Variants in MYT1L observed in about 807,000 individuals in gnomAD.
MYT1L encodes myelin transcription factor 1 like.
In MYT1L, 12 loss-of-function variants were observed where a neutral mutation model predicts 126.7. That is an observed-to-expected ratio of 0.09 (90% CI 0.06 to 0.15). The LOEUF (loss-of-function observed/expected upper bound fraction) is 0.15, where lower values mean the gene tolerates loss of function less well. Among genes scored for constraint, MYT1L ranks in the 10% least tolerant of loss-of-function variants. MYT1L has a pLI of 1.00. For missense variants in MYT1L, 979 were observed against 1,585.2 expected, an observed-to-expected ratio of 0.62 and a Z score of 6.49; for synonymous variants, 541 against 604.2, an observed-to-expected ratio of 0.90 and a Z score of 1.53.
At chr2:2,121,162 C>T (rs2080947911) in intron 3 of MYT1L, among the ~76,000 whole-genome samples, 1 of 152,214 alleles carries the variant, frequency 6.6e-6, no homozygotes, top group Admixed American at 6.5e-5. Flanking sequence ...GTCTTTTAAA[C>T]TCGCTCTCCT....
intron 2 of MYT1L, among the ~76,000 whole-genome samples, chr2:2,273,810 A>G (rs2095310515): frequency 6.6e-6 from 1 of 152,270 alleles, no homozygotes; most frequent in South Asian, 2.1e-4. Context: ...TTACATGTCC[A>G]AAGGTGAGGC....
chr2:2,055,109 A>T (rs560759359), intron 3 of MYT1L, among the ~76,000 whole-genome samples: 2 of 152,236 alleles, frequency 1.3e-5, no homozygotes, highest in Non-Finnish European at 2.9e-5. Flanking sequence ...TTTGTAATAT[A>T]AAAAATACAC....
intron 5 of MYT1L, among the ~76,000 whole-genome samples, chr2:1,990,953 C>A (rs997671110): frequency 6.6e-6 from 1 of 152,222 alleles, no homozygotes; most frequent in Non-Finnish European, 1.5e-5. Context: ...GGTCCTCCTG[C>A]CGTGCCAGCT....
At chr2:2,079,561 T>A (rs189126423) in intron 3 of MYT1L, among the ~76,000 whole-genome samples, 2 of 152,308 alleles carry the variant, frequency 1.3e-5, no homozygotes, top group Admixed American at 1.3e-4. Flanking sequence ...ATCCCAGCAC[T>A]GTGGGAGGCC....
chr2:2,326,696 G>A (rs2149733447), intron 1 of MYT1L: 1 of 152,172 alleles, frequency 6.6e-6, no homozygotes, highest in Admixed American at 6.5e-5. Context: ...TAATAAATAA[G>A]CATTCATGCA....
intron 3 of MYT1L, among the ~76,000 whole-genome samples, chr2:2,104,381 AT>A (rs1211684336): frequency 1.3e-5 from 2 of 152,368 alleles, no homozygotes; most frequent in African/African-American, 4.8e-5. Flanking sequence ...TCAACCACAT[AT>A]TAAAGATGGA....
intron 4 of MYT1L, among the ~76,000 whole-genome samples, chr2:2,007,995 T>G (rs2063487078): frequency 6.6e-6 from 1 of 152,216 alleles, no homozygotes; most frequent in South Asian, 2.1e-4. Context: ...CCGGAGGTCC[T>G]GCAGAGAGCA....
At chr2:2,013,082 C>T (rs1010868214) in intron 4 of MYT1L, among the ~76,000 whole-genome samples, 4 of 152,122 alleles carry the variant, frequency 2.6e-5, no homozygotes, top group Admixed American at 6.5e-5. Flanking sequence ...GGAGAACACG[C>T]GATTCTAGAA....
At chr2:2,190,365 G>A (rs2092512172) in intron 2 of MYT1L, among the ~76,000 whole-genome samples, 1 of 151,864 alleles carries the variant, frequency 6.6e-6, no homozygotes, top group South Asian at 2.1e-4. Context: ...TGAGGCAGGA[G>A]GATCACTTGA....
intron 2 of MYT1L, among the ~76,000 whole-genome samples, chr2:2,276,361 G>A (rs949933458): frequency 3.9e-5 from 6 of 152,152 alleles, no homozygotes; most frequent in African/African-American, 9.7e-5. Context: ...GAAGTTTCTC[G>A]ATTCTGCCTA....
intron 5 of MYT1L, among the ~76,000 whole-genome samples, chr2:1,991,651 C>T (rs1010648988): frequency 2.0e-5 from 3 of 152,154 alleles, no homozygotes; most frequent in Admixed American, 2.0e-4. Flanking sequence ...GTCTGTCCAT[C>T]CCTCTCGCCT....
At chr2:1,897,614 G>T (rs990825133) in intron 14 of MYT1L, among the ~76,000 whole-genome samples, 1 of 151,792 alleles carries the variant, frequency 6.6e-6, no homozygotes, top group African/African-American at 2.4e-5. Context: ...AGGCGCCCAC[G>T]ACCATGCCCG....
intron 4 of MYT1L, among the ~76,000 whole-genome samples, chr2:2,011,968 C>T (rs2063868600): frequency 6.6e-6 from 1 of 152,170 alleles, no homozygotes; most frequent in African/African-American, 2.4e-5. Context: ...TCAGAACATG[C>T]CTACGTTGCT....
chr2:2,087,672 T>G (rs568683624), intron 3 of MYT1L, among the ~76,000 whole-genome samples: 1 of 152,388 alleles, frequency 6.6e-6, no homozygotes, highest in African/African-American at 2.4e-5. Context: ...ACAACCGCCA[T>G]GTGCCCTGTC....
chr2:2,036,489 G>C (rs71442316), intron 4 of MYT1L, among the ~76,000 whole-genome samples: 92 of 139,814 alleles, frequency 6.6e-4, no homozygotes, highest in African/African-American at 1.2e-3. Flanking sequence ...AAGAGAGCTC[G>C]TAACTTCTCC....
chr2:2,253,765 G>C (rs967593816), intron 2 of MYT1L, among the ~76,000 whole-genome samples: 1 of 151,936 alleles, frequency 6.6e-6, no homozygotes, highest in Non-Finnish European at 1.5e-5. Flanking sequence ...GGGCAAGTCG[G>C]AAACAGGAAG....
intron 9 of MYT1L, among the ~76,000 whole-genome samples, chr2:1,925,168 C>T (rs2054059032): frequency 6.6e-6 from 1 of 152,190 alleles, no homozygotes; most frequent in South Asian, 2.1e-4. Flanking sequence ...AAGAAGAAAC[C>T]ACAGTCAAGC....
At position 2,196,885 on chromosome 2, in the gene MYT1L, C is replaced by T. The variant is rs969050514; in HGVS notation, c.-420-23897G>A. Among the ~76,000 whole-genome samples the T allele has an allele frequency of 3.3e-5, 5 of 151,980 alleles. No homozygotes were observed. In the East Asian group the frequency reaches 9.6e-4, roughly 29 times the overall value. ...TACATTGAGATGTGAAAGTAGTACA[C>T]AGGACCATCAATAGTCAAAGATTAT... On this transcript the variant is annotated intron_variant, in intron 2 of 24. Transcript: ENST00000647738.
rs373744068 is a variant in MYT1L at position 2,294,175 on chromosome 2, T to C, written c.-520-9672A>G. 5.3e-5 allele frequency among the ~76,000 whole-genome samples: 8 copies of C among 152,176 alleles called. No individual in the cohort carries two copies. In the South Asian group the frequency reaches 1.2e-3, roughly 24 times the overall value. On this transcript the variant is annotated intron_variant, in intron 1 of 24. Coordinates refer to ENST00000647738, the MANE Select transcript of MYT1L (RefSeq NM_001303052.2). ...CATGAGAATGGCCGAGAGACAAGCATGGTTGGTCACAGGTGACGGTTAGCG... is the reference window on the plus strand; with the variant it reads ...CATGAGAATGGCCGAGAGACAAGCACGGTTGGTCACAGGTGACGGTTAGCG...
Sources: gnomAD v4.1 joint callset for allele counts (sites outside exome capture counted in the v4.1 genomes callset) on GRCh38, gnomAD v4.1.1 for gene constraint, MANE v1.5 for transcripts, NCBI Gene and HGNC (gene_info 2026-07-23, HGNC 2026-07-21) for gene names.